The following CTNNA3 variants were observed in gnomAD, a reference collection of about 807,000 sequenced individuals.
The protein encoded by CTNNA3 is catenin alpha-3.
In CTNNA3, 76 loss-of-function variants were observed where a neutral mutation model predicts 95.7. The ratio of observed to expected loss-of-function variants is 0.79; its 90% CI spans 0.66 to 0.96. The LOEUF is 0.96. CTNNA3 is among the 40% of genes least tolerant of loss of function. The pLI is 0.00. For missense variants in CTNNA3, 1,191 were observed against 1,089.8 expected (o/e 1.09, Z -1.31); for synonymous variants, 431 against 374.4 (o/e 1.15, Z -1.74).
intron 7 of CTNNA3, among the ~76,000 whole-genome samples, chr10:66,954,689 G>T (rs1223192132): frequency 6.6e-6 from 1 of 152,174 alleles, no homozygotes; most frequent in African/African-American, 2.4e-5. Context: ...GTGCTAGCAG[G>T]CCTCAAAATG....
At position 66,001,894 on chromosome 10, in the gene CTNNA3, T is replaced by C. The variant is rs7900756; in HGVS notation, c.2160-13097A>G. ...GTACTTTGCAAGTCTTGTCCATATATTCTTTTAGTGAGAAAAAAGGAATAT... is the reference window on the plus strand; with the variant it reads ...GTACTTTGCAAGTCTTGTCCATATACTCTTTTAGTGAGAAAAAAGGAATAT... On this transcript the variant is annotated intron_variant, in intron 15 of 17. Transcript: ENST00000433211. Among the ~76,000 whole-genome samples, 1,113 of 152,252 alleles carry C rather than the reference T, an allele frequency of 7.3e-3. 19 individuals carry two copies. The highest frequency in any genetic ancestry group is 0.025 in the African/African-American group (1,059 of 41,538).
chr10:67,003,449 T>C (rs1851793355), intron 7 of CTNNA3, among the ~76,000 whole-genome samples: 1 of 152,110 alleles, frequency 6.6e-6, no homozygotes, highest in South Asian at 2.1e-4. Context: ...CTCAAAAAAA[T>C]CAGAGTGCGG....
chr10:67,405,844 A>G (rs1845120772), intron 5 of CTNNA3, among the ~76,000 whole-genome samples: 1 of 152,200 alleles, frequency 6.6e-6, no homozygotes, highest in African/African-American at 2.4e-5. Flanking sequence ...TGAAATCATA[A>G]TGAACAATCT....
chr10:67,580,337 G>T (rs1421485474), intron 3 of CTNNA3, among the ~76,000 whole-genome samples: 19 of 151,868 alleles, frequency 1.3e-4, no homozygotes, highest in Non-Finnish European at 1.5e-5. Context: ...TCTTGTTTTT[G>T]TCAGGTTTGT....
intron 5 of CTNNA3, among the ~76,000 whole-genome samples, chr10:67,402,995 C>T (rs959090327): frequency 6.6e-6 from 1 of 152,180 alleles, no homozygotes; most frequent in African/African-American, 2.4e-5. Flanking sequence ...TGGCTTGGAA[C>T]TTCAGCCAGC....
At chr10:67,643,736 A>G (rs537940411) in intron 2 of CTNNA3, among the ~76,000 whole-genome samples, 2 of 151,374 alleles carry the variant, frequency 1.3e-5, no homozygotes, top group South Asian at 4.2e-4. Context: ...CCCTGTGTCC[A>G]TGTGTTCTCA....
At chr10:67,226,391 C>G (rs1456330462) in intron 5 of CTNNA3, among the ~76,000 whole-genome samples, 2 of 152,154 alleles carry the variant, frequency 1.3e-5, no homozygotes, top group Non-Finnish European at 2.9e-5. Context: ...AAAATTCAGC[C>G]TGAACAGATC....
intron 5 of CTNNA3, among the ~76,000 whole-genome samples, chr10:67,515,781 T>C (rs1589380316): frequency 1.3e-5 from 2 of 152,178 alleles, no homozygotes; most frequent in Admixed American, 1.3e-4. Flanking sequence ...CTTCTCCCAA[T>C]TGAGCAATTA....
intron 7 of CTNNA3, among the ~76,000 whole-genome samples, chr10:66,938,874 G>A (rs1847856668): frequency 6.6e-6 from 1 of 152,128 alleles, no homozygotes; most frequent in Non-Finnish European, 1.5e-5. Flanking sequence ...CTTCATTTTT[G>A]TAGAGGCTAG....
chr10:67,011,444 T>C (rs1193005937), intron 7 of CTNNA3, among the ~76,000 whole-genome samples: 1 of 152,176 alleles, frequency 6.6e-6, no homozygotes, highest in Non-Finnish European at 1.5e-5. Flanking sequence ...AACAGAAATT[T>C]ACCCATAGAG....
intron 5 of CTNNA3, among the ~76,000 whole-genome samples, chr10:67,224,278 T>C (rs1222490997): frequency 6.6e-6 from 1 of 152,204 alleles, no homozygotes; most frequent in Non-Finnish European, 1.5e-5. Context: ...CTGGCAACTA[T>C]GGTAAAACTG....
chr10:67,467,798 C>T (rs867104128), intron 5 of CTNNA3, among the ~76,000 whole-genome samples: 2 of 151,972 alleles, frequency 1.3e-5, no homozygotes, highest in East Asian at 3.9e-4. Context: ...GCAGCCTCGA[C>T]CTCCTGGGCT....
At chr10:66,208,928 T>C (rs2087939732) in intron 13 of CTNNA3, among the ~76,000 whole-genome samples, 1 of 151,998 alleles carries the variant, frequency 6.6e-6, no homozygotes, top group Non-Finnish European at 1.5e-5. Context: ...CCCCATTGCA[T>C]CCCACCAAAA....
chr10:67,259,325 C>T (rs922730169), intron 5 of CTNNA3, among the ~76,000 whole-genome samples: 26 of 152,114 alleles, frequency 1.7e-4, no homozygotes, highest in Non-Finnish European at 7.3e-5. Flanking sequence ...ATCTTTACAA[C>T]ATCTTTTTTA....
chr10:66,573,679 AC>A (rs1039057631), intron 10 of CTNNA3, among the ~76,000 whole-genome samples: 19 of 152,106 alleles, frequency 1.2e-4, no homozygotes, highest in African/African-American at 4.6e-4. Flanking sequence ...TCTATTTAAT[AC>A]CCCCTGCTTT....
intron 11 of CTNNA3, among the ~76,000 whole-genome samples, chr10:66,391,598 T>G (rs1309241935): frequency 1.3e-5 from 2 of 152,102 alleles, no homozygotes; most frequent in Non-Finnish European, 2.9e-5. Flanking sequence ...AAAAAAAATT[T>G]GATGACCATG....
intron 7 of CTNNA3, among the ~76,000 whole-genome samples, chr10:67,146,572 T>C (rs1238661071): frequency 6.6e-6 from 1 of 152,202 alleles, no homozygotes; most frequent in African/African-American, 2.4e-5. Flanking sequence ...TTAGTAATCA[T>C]TTGGGACTCT....
At chr10:66,860,183 A>T (rs946445035) in intron 7 of CTNNA3, among the ~76,000 whole-genome samples, 14 of 152,070 alleles carry the variant, frequency 9.2e-5, no homozygotes, top group Non-Finnish European at 1.9e-4. Context: ...AAAATAAAAT[A>T]AAAAGAATTT....
At chr10:67,276,247 G>C (rs1483668574) in intron 5 of CTNNA3, among the ~76,000 whole-genome samples, 2 of 152,112 alleles carry the variant, frequency 1.3e-5, no homozygotes, top group Non-Finnish European at 2.9e-5. Context: ...GTTTTTGTCT[G>C]ATTGGAGAGT....
Sources: allele counts gnomAD v4.1 joint callset (sites outside exome capture counted in the v4.1 genomes callset), GRCh38; gene constraint gnomAD v4.1.1; transcripts MANE v1.5; gene names NCBI Gene and HGNC (gene_info 2026-07-23, HGNC 2026-07-21).